The following BIRC6 variants were observed in gnomAD, a reference collection of about 807,000 sequenced individuals.
BIRC6 encodes the protein dual E2 ubiquitin-conjugating enzyme/E3 ubiquitin-protein ligase BIRC6.
In BIRC6, 98 loss-of-function variants were observed where a neutral mutation model predicts 503.3. That is an observed-to-expected ratio of 0.19 (90% CI 0.17 to 0.23). The LOEUF (loss-of-function observed/expected upper bound fraction) is 0.23. Among genes scored for constraint, BIRC6 ranks in the 10% least tolerant of loss-of-function variants. BIRC6 has a pLI of 1.00. For missense variants in BIRC6, 5,360 were observed against 5,806.0 expected (o/e 0.92, Z 2.50); for synonymous variants, 2,240 against 2,078.7 (o/e 1.08, Z -2.11).
At chr2:32,464,194 A>G (rs1372306571) in intron 24 of BIRC6, among the ~76,000 whole-genome samples, 1 of 152,220 alleles carries the variant, frequency 6.6e-6, no homozygotes, top group Non-Finnish European at 1.5e-5. Flanking sequence ...ATTAGTCAAC[A>G]TGAGAATTCA....
intron 73 of BIRC6, among the ~76,000 whole-genome samples, chr2:32,614,931 CTTGAGACTGGGTA>C (rs1431815923): frequency 1.3e-5 from 2 of 152,116 alleles, no homozygotes; most frequent in Non-Finnish European, 2.9e-5. Context: ...TAAAGAAATC[CTTGAGACTGGGTA>C]ATTTATAACA....
chr2:32,538,985 T>C (rs2057451006), intron 61 of BIRC6, among the ~76,000 whole-genome samples: 1 of 152,186 alleles, frequency 6.6e-6, no homozygotes, highest in Admixed American at 6.5e-5. Flanking sequence ...AGCAAACGTT[T>C]GTCAGAATAG....
rs572321403 is a variant in BIRC6 at position 32,517,784 on chromosome 2, G to A, written c.11350-470G>A. Among the ~76,000 whole-genome samples, 21 of 151,842 alleles carry A rather than the reference G, an allele frequency of 1.4e-4. 2 individuals are homozygous for A. The South Asian group carries it at 4.4e-3, about 32-fold the overall frequency. ...AGTGGGTAGAGACAGGTTTCACCAC[G>A]TTGCCTAGGCTGGTCTGGAATTCCT... On this transcript the variant is annotated intron_variant, in intron 55 of 73. Coordinates refer to ENST00000421745, the MANE Select transcript of BIRC6 (RefSeq NM_016252.4).
chr2:32,541,274 C>T (rs1218183006), intron 61 of BIRC6, among the ~76,000 whole-genome samples: 1 of 151,946 alleles, frequency 6.6e-6, no homozygotes, highest in African/African-American at 2.4e-5. Flanking sequence ...TGAAAAGTGC[C>T]TCAAATTCCT....
intron 65 of BIRC6, chr2:32,564,527 T>C (rs2059403303): frequency 6.6e-6 from 1 of 152,212 alleles, no homozygotes; most frequent in Admixed American, 6.5e-5. Context: ...CTTTTAAAAT[T>C]ACAATAATCT....
intron 23 of BIRC6, 85 bp from the exon 24 acceptor site, chr2:32,463,109 C>T: frequency 2.6e-6 from 3 of 1,175,076 alleles, no homozygotes; most frequent in Non-Finnish European, 3.5e-6. Context: ...ATAATAGTGC[C>T]AAAATATTTG....
intron 64 of BIRC6, chr2:32,549,101 T>C (rs1033055094): frequency 6.6e-5 from 24 of 363,844 alleles, no homozygotes; most frequent in Non-Finnish European, 9.9e-6. Context: ...TCTAGTCATA[T>C]GTAGTGTACC....
chr2:32,359,005 G>C (rs1311307303), intron 1 of BIRC6, among the ~76,000 whole-genome samples: 1 of 152,122 alleles, frequency 6.6e-6, no homozygotes, highest in Non-Finnish European at 1.5e-5. Context: ...AAGGTATGAA[G>C]AGTAATTACA....
At position 32,599,619 on chromosome 2, in the gene BIRC6, C is replaced by T; in HGVS notation, c.13831-120C>T. On this transcript the variant is annotated intron_variant, in intron 69 of 73. Transcript: ENST00000421745. ...CGCCACTGCACTCCAGCCTGGGCGA[C>T]AGAGTGGGACTCCATCTCCAAAAAC... 4.1e-6 allele frequency: 4 copies of T among 978,724 alleles called. 1 individual carries two copies. In the South Asian group the frequency reaches 4.9e-5, roughly 12 times the overall value. The allele number at this position is 978,724 out of a possible 1,614,324, so 60.6% of individuals were successfully genotyped here. A position where few individuals can be genotyped will look rare whatever the true frequency, so the allele number is the denominator to read the frequency against.
rs545334068 is a variant in BIRC6 at position 32,470,323 on chromosome 2, C to G, written c.6481+22C>G. The G allele has an allele frequency of 5.3e-6, 8 of 1,521,140 alleles. No individual in the cohort carries two copies. In the South Asian group the frequency reaches 1.0e-4, roughly 20 times the overall value. The allele number at this position is 1,521,140 out of a possible 1,614,324, so 94.2% of individuals were successfully genotyped here. A position where few individuals can be genotyped will look rare whatever the true frequency, so the allele number is the denominator to read the frequency against. On this transcript the variant is annotated intron_variant, in intron 31 of 73. Coordinates refer to ENST00000421745, the MANE Select transcript of BIRC6 (RefSeq NM_016252.4). ...GAAGGTATTAAGAGAAAGCAGTGTT[C>G]TTTAGTAAAAACAATATTCCTGCAA...
intron 45 of BIRC6, among the ~76,000 whole-genome samples, chr2:32,498,451 G>A (rs2052754196): frequency 6.6e-6 from 1 of 152,150 alleles, no homozygotes; most frequent in South Asian, 2.1e-4. Flanking sequence ...CATGTATAAT[G>A]TCAGAACTTA....
At position 32,503,025 on chromosome 2, in the gene BIRC6, A is replaced by T. The variant is rs1171283557; in HGVS notation, c.9305-17A>T. The T allele has an allele frequency of 3.2e-6, 5 of 1,556,428 alleles. No homozygotes were observed. The highest frequency in any genetic ancestry group is 4.4e-6 in the Non-Finnish European group (5 of 1,149,364). On this transcript the variant is annotated splice_polypyrimidine_tract_variant and intron_variant, in intron 48 of 73. Transcript: ENST00000421745. Reference sequence around the variant, plus strand: ...TGTCCTGAGATCGATTTCATTTCATATTCTTTATAAATTTAGGTGGTGTTC... The same window carrying T: ...TGTCCTGAGATCGATTTCATTTCATTTTCTTTATAAATTTAGGTGGTGTTC...
chr2:32,503,345 A>G, intron 49 of BIRC6, 109 bp downstream of exon 49: 1 of 866,428 alleles, frequency 1.2e-6, no homozygotes. Context: ...TCACTATTTT[A>G]ATTACAAACA....
chr2:32,442,348 A>G lies in BIRC6; in HGVS notation c.4131A>G (p.Leu1377=). The stretch of plus-strand genomic sequence containing the variant: ...GCTCAAAGGAAGGAAATGAGAACCT[A>G]CTTTCAAAAACACGAAAATTTCTGT... ...PGSSKEGNEN[L]LSKTRKFLSD... Residue 1377 remains leucine, a synonymous_variant, in exon 19 of 74, where the codon CTA becomes CTG. Coordinates refer to ENST00000421745, the MANE Select transcript of BIRC6 (RefSeq NM_016252.4). 1.2e-6 allele frequency: 2 copies of G among 1,612,856 alleles called. No homozygotes were observed. Among genetic ancestry groups the G allele is most frequent in the Non-Finnish European group, 1.7e-6 (2 of 1,179,344 alleles).
At chr2:32,385,721 T>G (rs1573833880) in intron 3 of BIRC6, among the ~76,000 whole-genome samples, 1 of 152,174 alleles carries the variant, frequency 6.6e-6, no homozygotes, top group Non-Finnish European at 1.5e-5. Flanking sequence ...TACAGTCTGG[T>G]CTTGTTGCAG....
At chr2:32,611,020 G>A (rs553086874) in intron 72 of BIRC6, among the ~76,000 whole-genome samples, 4 of 152,040 alleles carry the variant, frequency 2.6e-5, no homozygotes, top group South Asian at 2.1e-4. Context: ...CCACCACACC[G>A]GGCCATAAAT....
At chr2:32,538,721 A>G (rs1299576096) in intron 61 of BIRC6, among the ~76,000 whole-genome samples, 4 of 152,252 alleles carry the variant, frequency 2.6e-5, no homozygotes, top group Non-Finnish European at 5.9e-5. Flanking sequence ...ACCTGAGCTC[A>G]GGAGTTCAAG....
intron 65 of BIRC6, among the ~76,000 whole-genome samples, chr2:32,568,355 T>C (rs1169646130): frequency 1.3e-5 from 2 of 150,136 alleles, no homozygotes; most frequent in African/African-American, 4.9e-5. Context: ...TAACTGGACA[T>C]GGTGGCATGT....
rs1444239616 is a variant in BIRC6, at chr2:32,479,536, G to A, written c.7327G>A (p.Gly2443Ser). 9 of 1,607,042 alleles carry A rather than the reference G, an allele frequency of 5.6e-6. No homozygotes were observed. Among genetic ancestry groups the A allele is most frequent in the Non-Finnish European group, 7.6e-6 (9 of 1,176,496 alleles). ...TVGDDVGATA[G>S]DSDDSLQQSS... ...GGGTGATGATGTAGGTGCGACAGCT[G>A]GTGACTCTGATGACTCCCTTCAACA... The change falls in exon 37 of 74, where the codon GGT becomes AGT. Residue 2443 changes from glycine to serine, a missense_variant. This residue lies in a region of BIRC6 where 2,299 missense variants were observed against 2,267.2 expected (regional missense o/e 1.01). Transcript: ENST00000421745.
Sources: gnomAD v4.1 joint callset for allele counts (sites outside exome capture counted in the v4.1 genomes callset) on GRCh38, gnomAD v4.1.1 for gene constraint, gnomAD v4.1.1 regional missense constraint, MANE v1.5 for transcripts, NCBI Gene and HGNC (gene_info 2026-07-23, HGNC 2026-07-21) for gene names.